FOXJ3: variants seen among roughly 807,000 people sequenced by gnomAD.
FOXJ3 encodes forkhead box protein J3.
FOXJ3 carries 22 observed loss-of-function variants against 76.1 expected under a neutral mutation model. The observed-to-expected ratio is 0.29, with a 90% CI of 0.21 to 0.41. The LOEUF (loss-of-function observed/expected upper bound fraction) is 0.41. Among genes scored for constraint, FOXJ3 ranks in the 10% least tolerant of loss-of-function variants. FOXJ3 has a pLI of 1.00. For synonymous variants in FOXJ3, 269 were observed against 261.2 expected (o/e 1.03, Z -0.29); for missense variants, 613 against 762.1 (o/e 0.80, Z 2.30).
intron 4 of FOXJ3, among the ~76,000 whole-genome samples, chr1:42,231,323 C>G (rs1051749543): frequency 6.6e-5 from 10 of 152,054 alleles, no homozygotes; most frequent in African/African-American, 2.2e-4. Flanking sequence ...GAGACTCCAT[C>G]TCCAAAAAAG....
At chr1:42,302,697 A>AATTT (rs1431414608) in intron 2 of FOXJ3, among the ~76,000 whole-genome samples, 1 of 152,182 alleles carries the variant, frequency 6.6e-6, no homozygotes, top group Non-Finnish European at 1.5e-5. Flanking sequence ...CTGAACCATA[A>AATTT]AGCTTGCCTA....
chr1:42,302,247 A>G (rs902405972), intron 2 of FOXJ3, among the ~76,000 whole-genome samples: 3 of 152,222 alleles, frequency 2.0e-5, no homozygotes, highest in Non-Finnish European at 4.4e-5. Context: ...CTACTGTGTC[A>G]TGCAATTAAA....
intron 1 of FOXJ3, chr1:42,323,797 G>C (rs1237716455): frequency 7.6e-6 from 4 of 527,068 alleles, no homozygotes; most frequent in Non-Finnish European, 9.7e-6. Flanking sequence ...AAAGAAGGCA[G>C]ACTAGGTCTC....
intron 4 of FOXJ3, among the ~76,000 whole-genome samples, chr1:42,250,773 G>C (rs956743404): frequency 3.2e-5 from 4 of 126,292 alleles, no homozygotes; most frequent in Non-Finnish European, 6.3e-5. Context: ...ACTCCAGCCT[G>C]AGCAACAAGG....
intron 3 of FOXJ3, among the ~76,000 whole-genome samples, chr1:42,276,280 C>G (rs1652251840): frequency 6.6e-6 from 1 of 151,896 alleles, no homozygotes; most frequent in Admixed American, 6.6e-5. Flanking sequence ...TGCTTGAACC[C>G]AGGAGACGGA....
chr1:42,243,379 A>T (rs1182440606), intron 4 of FOXJ3, among the ~76,000 whole-genome samples: 1 of 152,218 alleles, frequency 6.6e-6, no homozygotes, highest in East Asian at 1.9e-4. Context: ...ACCAGAAAAT[A>T]ATTAACAGAA....
intron 5 of FOXJ3, among the ~76,000 whole-genome samples, chr1:42,225,080 CAAA>C (rs1002123495): frequency 7.8e-6 from 1 of 128,584 alleles, no homozygotes; most frequent in Admixed American, 7.9e-5. Context: ...AGACTCCCCT[CAAA>C]AAAAAAAAAG....
rs1646226649 is a variant in FOXJ3, at chr1:42,176,961, C to G, written c.*2749G>C. 1 of 152,658 alleles carries G rather than the reference C, an allele frequency of 6.6e-6. No individual in the cohort carries two copies. The highest frequency in any genetic ancestry group is 2.4e-5 in the African/African-American group (1 of 41,458). 9.5% of individuals were successfully genotyped at this position (152,658 alleles called of 1,614,324 possible). ...CATGAATACATTTACATTTCAAAAA[C>G]TGCCACAAATGCCAGTCGGATTATT... On this transcript the variant is annotated 3_prime_UTR_variant, in exon 13 of 13. Coordinates refer to ENST00000361346, the MANE Select transcript of FOXJ3 (RefSeq NM_014947.5).
At chr1:42,311,974 T>C (rs1309200763) in intron 1 of FOXJ3, among the ~76,000 whole-genome samples, 1 of 152,170 alleles carries the variant, frequency 6.6e-6, no homozygotes, top group Non-Finnish European at 1.5e-5. Context: ...GATTCACAAA[T>C]GCCTAATGGT....
intron 9 of FOXJ3, 88 bp from the exon 10 acceptor site, chr1:42,189,492 A>C: frequency 1.1e-6 from 1 of 919,398 alleles, no homozygotes; most frequent in Admixed American, 2.0e-5. Flanking sequence ...TTATTCCTGA[A>C]ATTGGCTGAT....
chr1:42,278,872 C>T (rs1289734371), intron 2 of FOXJ3, among the ~76,000 whole-genome samples, 200 bp from the exon 3 acceptor site: 2 of 152,092 alleles, frequency 1.3e-5, no homozygotes, highest in Non-Finnish European at 2.9e-5. Context: ...TTTTTCCTCA[C>T]CAAAACATAA....
Position 42,277,539 on chromosome 1 carries a change from T to C in FOXJ3, c.369+809A>G, listed in dbSNP as rs1167813068. On this transcript the variant is annotated intron_variant, in intron 3 of 12. Transcript: ENST00000361346. ...CTGGCCGGGCGCGGTGGCTCACGCCTGTAATCCCAGCACTTTGGGAGGCCG... is the reference window on the plus strand; with the variant it reads ...CTGGCCGGGCGCGGTGGCTCACGCCCGTAATCCCAGCACTTTGGGAGGCCG... Among the ~76,000 whole-genome samples, 2 of 14,194 alleles carry C rather than the reference T, an allele frequency of 1.4e-4. 1 individual carries two copies. Among genetic ancestry groups the C allele is most frequent in the Non-Finnish European group, 3.6e-4 (2 of 5,560 alleles). 9.3% of individuals were successfully genotyped at this position (14,194 alleles called of 152,430 possible).
chr1:42,315,983 C>G (rs1376987166), intron 1 of FOXJ3, among the ~76,000 whole-genome samples: 1 of 152,128 alleles, frequency 6.6e-6, no homozygotes, highest in Non-Finnish European at 1.5e-5. Context: ...GTATTATATT[C>G]CATTACCAAC....
At chr1:42,240,897 G>T (rs1649083627) in intron 4 of FOXJ3, among the ~76,000 whole-genome samples, 1 of 152,158 alleles carries the variant, frequency 6.6e-6, no homozygotes, top group South Asian at 2.1e-4. Context: ...ACACTATTAA[G>T]AAAGTGAAAA....
chr1:42,311,595 T>G (rs986834615), intron 1 of FOXJ3, among the ~76,000 whole-genome samples: 6 of 151,434 alleles, frequency 4.0e-5, no homozygotes, highest in Admixed American at 2.0e-4. Context: ...TTTTAAATAT[T>G]GGACTTCACA....
chr1:42,271,199 T>A (rs953399238), intron 3 of FOXJ3, among the ~76,000 whole-genome samples: 6 of 152,156 alleles, frequency 3.9e-5, no homozygotes, highest in Non-Finnish European at 8.8e-5. Context: ...ATACCAAAAG[T>A]TTCTTCAATT....
chr1:42,236,291 A>G (rs1001164985), intron 4 of FOXJ3, among the ~76,000 whole-genome samples: 1 of 152,356 alleles, frequency 6.6e-6, no homozygotes, highest in Middle Eastern at 3.4e-3. Flanking sequence ...CCTGGGCTTA[A>G]TCAATACTCC....
chr1:42,291,479 C>T (rs762695634), intron 2 of FOXJ3, among the ~76,000 whole-genome samples: 6 of 152,122 alleles, frequency 3.9e-5, no homozygotes, highest in Admixed American at 6.5e-5. Flanking sequence ...AAACCATTTG[C>T]AAAGCATATA....
Position 42,304,262 on chromosome 1 carries a change from GA to G in FOXJ3, c.44+6787del, listed in dbSNP as rs759152947. On this transcript the variant is annotated intron_variant, in intron 2 of 12. Coordinates refer to ENST00000361346, the MANE Select transcript of FOXJ3 (RefSeq NM_014947.5). Reference sequence around the variant, plus strand: ...TGAAAGAAGCTGAAGAAGACACCAAGAAAAGGAAAGATAGTCCACGTTCATG... The same window carrying G: ...TGAAAGAAGCTGAAGAAGACACCAAGAAAGGAAAGATAGTCCACGTTCATG... Among the ~76,000 whole-genome samples, 371 of 151,700 alleles carry G rather than the reference GA, an allele frequency of 2.4e-3. 2 individuals are homozygous for G. Among genetic ancestry groups the G allele is most frequent in the Non-Finnish European group, 3.6e-3 (245 of 67,832 alleles).
Sources: gnomAD v4.1 joint callset for allele counts (sites outside exome capture counted in the v4.1 genomes callset) on GRCh38, gnomAD v4.1.1 for gene constraint, MANE v1.5 for transcripts, NCBI Gene and HGNC (gene_info 2026-07-23, HGNC 2026-07-21) for gene names.